Variants in AACS observed in about 807,000 individuals in gnomAD.
AACS encodes the protein acetoacetyl-CoA synthetase.
A neutral mutation model predicts 83.1 loss-of-function variants in AACS; 69 were observed. The observed-to-expected ratio is 0.83, with a 90% CI of 0.68 to 1.01. The LOEUF (loss-of-function observed/expected upper bound fraction) is 1.01. Ranked by LOEUF, AACS falls within the 50% of genes least tolerant of loss-of-function variation. The probability of loss-of-function intolerance (pLI) is 0.00; values close to 1 mark genes in which losing one functional copy is unlikely to be tolerated. For synonymous variants in AACS, 333 were observed against 343.4 expected (o/e 0.97, Z 0.33); for missense variants, 866 against 882.2 (o/e 0.98, Z 0.23).
rs188567343 is a variant in AACS, at chr12:125,107,252, T to G, written c.899T>G (p.Met300Arg). ...GGCACCACGGGCGCACCCAAGTGCA[T>G]GGTGCATTCCGCTGGGGTAGGTCTC... ...SSGTTGAPKC[M>R]VHSAGGTLIQ... Residue 300 changes from methionine (M) to arginine (R), a missense_variant, in exon 8 of 18, where the codon ATG becomes AGG. Transcript: ENST00000316519. 1.2e-5 allele frequency: 20 copies of G among 1,613,902 alleles called. No homozygotes were observed. Among genetic ancestry groups the G allele is most frequent in the Middle Eastern group, 1.6e-4 (1 of 6,062 alleles).
chr12:125,124,400 A>G (rs1470252375), intron 10 of AACS: 1 of 348,482 alleles, frequency 2.9e-6, no homozygotes, highest in Non-Finnish European at 5.2e-6. Context: ...TTGGTCCCCC[A>G]AGATACAATA....
chr12:125,124,866 G>A, intron 11 of AACS, 36 bp from the exon 12 acceptor site: 2 of 1,614,070 alleles, frequency 1.2e-6, no homozygotes, highest in Non-Finnish European at 1.7e-6. Context: ...CAGGCACTGG[G>A]TTTAGTTTTA....
intron 3 of AACS, 68 bp from the exon 4 acceptor site, chr12:125,086,261 TC>T: frequency 7.4e-7 from 1 of 1,360,358 alleles, no homozygotes; most frequent in Non-Finnish European, 1.0e-6. Context: ...GATTTTTCAT[TC>T]AGTGTCTGGC....
chr12:125,134,604 C>T (rs1032103348), intron 15 of AACS, among the ~76,000 whole-genome samples, 190 bp from the exon 16 acceptor site: 43 of 152,212 alleles, frequency 2.8e-4, no homozygotes, highest in African/African-American at 7.9e-4. Context: ...CTGCCTCCCT[C>T]GATGGAAAGC....
At chr12:125,072,694 G>A (rs1955902606) in intron 1 of AACS, among the ~76,000 whole-genome samples, 1 of 152,194 alleles carries the variant, frequency 6.6e-6, no homozygotes. Context: ...CAGTTGAGAG[G>A]GTAAAGAGTC....
chr12:125,067,859 T>G (rs2136024366), intron 1 of AACS, among the ~76,000 whole-genome samples: 1 of 152,334 alleles, frequency 6.6e-6, no homozygotes, highest in Non-Finnish European at 1.5e-5. Flanking sequence ...GAACTAGCTC[T>G]ACCACTTACC....
intron 8 of AACS, among the ~76,000 whole-genome samples, chr12:125,111,060 G>C (rs1394997438): frequency 1.3e-5 from 2 of 151,368 alleles, no homozygotes; most frequent in Admixed American, 1.3e-4. Flanking sequence ...CTGAGGTCAG[G>C]GGTGGGGGGC....
rs150578262 is a variant in AACS, at chr12:125,142,174, C to T, written c.1964C>T (p.Ser655Leu). ...GCCGTGGAGCAAGGAGGTGCTTTCT[C>T]GAACCCCGAGACCCTGGATCTGTAC... ...GKAVEQGGAF[S>L]NPETLDLYRD... Residue 655 changes from serine (S) to leucine (L), a missense_variant, in exon 18 of 18, where the codon TCG becomes TTG. By Grantham distance (145) the Ser-to-Leu change is moderately radical. Transcript: ENST00000316519. 227 of 1,614,200 alleles carry T rather than the reference C, an allele frequency of 1.4e-4. No individual in the cohort carries two copies. The African/African-American group carries it at 2.6e-3, about 18-fold the overall frequency.
At chr12:125,080,253 A>C (rs1956138924) in intron 3 of AACS, among the ~76,000 whole-genome samples, 1 of 152,204 alleles carries the variant, frequency 6.6e-6, no homozygotes, top group Admixed American at 6.5e-5. Context: ...TGTGTGCTTT[A>C]ACCCAATGTC....
At chr12:125,069,563 G>A (rs1395267772) in intron 1 of AACS, among the ~76,000 whole-genome samples, 5 of 152,196 alleles carry the variant, frequency 3.3e-5, no homozygotes, top group African/African-American at 4.8e-5. Flanking sequence ...CCTTGGGGTC[G>A]GCTGCAGCTC....
chr12:125,103,754 C>A (rs532389728), intron 7 of AACS, among the ~76,000 whole-genome samples: 1 of 151,868 alleles, frequency 6.6e-6, no homozygotes, highest in Admixed American at 6.6e-5. Context: ...TTTGGGAGGC[C>A]GAGGCAGGCG....
At position 125,086,418 on chromosome 12, in the gene AACS, T is replaced by C. The variant is rs1956341227; in HGVS notation, c.447T>C (p.Gly149=). ...ALFAAAMRKM[G]VKKGDRVVGY... is the part of the protein sequence containing the mutation. The stretch of plus-strand genomic sequence containing the variant: ...TTGCAGCAGCAATGAGGAAAATGGG[T>C]GTGAAGAAAGGAGATCGGGTTGTTG... The change falls in exon 4 of 18, where the codon GGT becomes GGC. Residue 149 remains glycine, a synonymous_variant. Coordinates refer to ENST00000316519, the MANE Select transcript of AACS (RefSeq NM_023928.5). 1 of 1,613,880 alleles carries C rather than the reference T, an allele frequency of 6.2e-7. No individual in the cohort carries two copies. The highest frequency in any genetic ancestry group is 1.3e-5 in the African/African-American group (1 of 74,864).
At chr12:125,081,222 G>T (rs1456405018) in intron 3 of AACS, among the ~76,000 whole-genome samples, 1 of 151,814 alleles carries the variant, frequency 6.6e-6, no homozygotes, top group Admixed American at 6.6e-5. Flanking sequence ...TTGAACTCCT[G>T]ACCTCAAGTG....
chr12:125,084,801 C>T lies in AACS; in HGVS notation c.359-1529C>T, dbSNP rs139228167. Among the ~76,000 whole-genome samples, 139 of 152,056 alleles carry T rather than the reference C, an allele frequency of 9.1e-4. 2 individuals carry two copies. In the East Asian group the frequency reaches 0.013, roughly 14 times the overall value. On this transcript the variant is annotated intron_variant, in intron 3 of 17. Transcript: ENST00000316519. ...TTTTACCAGTTGTCCAGGCTGGTCT[C>T]GAACTCCTGAGCTCAAGCAACCTGC...
Position 125,115,745 on chromosome 12 carries a change from C to T in AACS, c.996+1188C>T, listed in dbSNP as rs1259883540. ...CAGACCCCCCACCCATGACCTCACA[C>T]AGGTGCAGGAGACTGTCAGACCCCT... On this transcript the variant is annotated intron_variant, in intron 9 of 17. Transcript: ENST00000316519. Among the ~76,000 whole-genome samples the T allele has an allele frequency of 3.3e-5, 5 of 152,000 alleles. 1 individual carries two copies. The highest frequency in any genetic ancestry group is 2.0e-4 in the Admixed American group (3 of 15,268).
rs370644944 is a variant in AACS at position 125,073,891 on chromosome 12, T to C, written c.149T>C (p.Leu50Ser). Residue 50 changes from leucine to serine, a missense_variant, in exon 2 of 18, where the codon TTG becomes TCG. Leu to Ser is a moderately radical substitution (Grantham distance 145, BLOSUM62 -2). Transcript: ENST00000316519. ...CGLALESYDDLYHWSVESYSD... is the reference protein window; with the variant it reads ...CGLALESYDDSYHWSVESYSD... ...TCATTTTTAGAGAGTTATGATGACT[T>C]GTACCATTGGTCCGTTGAGTCATAT... The C allele has an allele frequency of 3.7e-6, 6 of 1,613,530 alleles. No individual in the cohort carries two copies. The highest frequency in any genetic ancestry group is 5.1e-6 in the Non-Finnish European group (6 of 1,179,682).
intron 4 of AACS, among the ~76,000 whole-genome samples, chr12:125,088,205 G>A (rs1956383418): frequency 6.6e-6 from 1 of 151,762 alleles, no homozygotes; most frequent in Non-Finnish European, 1.5e-5. Context: ...ATGGGTGTTG[G>A]GCTGATCATC....
In AACS at chr12:125,094,006, G is replaced by A. The variant is rs538176628; in HGVS notation, c.570+2483G>A. ...CACAGACACCTGGACACCCGCTGTC[G>A]GAGCTGAGTAAGGACCTGGCACAGG... On this transcript the variant is annotated intron_variant, in intron 5 of 17. Transcript: ENST00000316519. The surrounding 1 kb of genome is among the most constrained non-coding windows in gnomAD (Gnocchi z 4.1). Among the ~76,000 whole-genome samples, 4 of 152,246 alleles carry A rather than the reference G, an allele frequency of 2.6e-5. No homozygotes were observed. Among genetic ancestry groups the A allele is most frequent in the African/African-American group, 4.8e-5 (2 of 41,560 alleles).
chr12:125,124,930 C>T lies in AACS; in HGVS notation c.1215C>T (p.His405=), dbSNP rs1593000404. ...PVETHSLQML[H]TILSTGSPLK... Reference sequence around the variant, plus strand: ...AAACCCACAGTCTCCAGATGCTCCACACGATCCTGTCCACTGGCTCCCCAC... The same window carrying T: ...AAACCCACAGTCTCCAGATGCTCCATACGATCCTGTCCACTGGCTCCCCAC... The change falls in exon 12 of 18, where the codon CAC becomes CAT. Residue 405 remains histidine (H), a synonymous_variant. Transcript: ENST00000316519. 6.8e-6 allele frequency: 11 copies of T among 1,614,236 alleles called. No individual in the cohort carries two copies. Among genetic ancestry groups the T allele is most frequent in the Non-Finnish European group, 9.3e-6 (11 of 1,180,046 alleles).
Sources: allele counts gnomAD v4.1 joint callset (sites outside exome capture counted in the v4.1 genomes callset), GRCh38; gene constraint gnomAD v4.1.1; non-coding constraint Gnocchi (gnomAD v3.1); transcripts MANE v1.5; gene names NCBI Gene and HGNC (gene_info 2026-07-23, HGNC 2026-07-21).